Variants in TAF6L observed in about 807,000 individuals in gnomAD.
The protein encoded by TAF6L is TATA-box binding protein associated factor 6 like.
TAF6L carries 34 observed loss-of-function variants against 57.3 expected under a neutral mutation model. The ratio of observed to expected loss-of-function variants is 0.59; its 90% confidence interval spans 0.45 to 0.79. The LOEUF is 0.79. Ranked by LOEUF, TAF6L falls within the 30% of genes least tolerant of loss-of-function variation. The probability of loss-of-function intolerance (pLI) is 0.00; values close to 1 mark genes in which losing one functional copy is unlikely to be tolerated. For missense variants in TAF6L, 782 were observed against 853.2 expected (o/e 0.92, Z 1.04); for synonymous variants, 417 against 376.3 (o/e 1.11, Z -1.25).
At chr11:62,780,332 G>A (rs1380544403) in intron 6 of TAF6L, among the ~76,000 whole-genome samples, 2 of 151,320 alleles carry the variant, frequency 1.3e-5, no homozygotes, top group Non-Finnish European at 2.9e-5. Context: ...CTAACATGGT[G>A]AAACCCCGTC....
At chr11:62,782,545 C>A in intron 8 of TAF6L, 148 bp from the exon 9 acceptor site, 1 of 1,238,814 alleles carries the variant, frequency 8.1e-7, no homozygotes, top group Non-Finnish European at 1.1e-6. Context: ...CCCTCAGGTC[C>A]TAGGCCAGTC....
Position 62,786,618 on chromosome 11 carries a change from G to T in TAF6L, c.1191G>T (p.Trp397Cys). ...GCCGGCGCCTGGACGACCTGCCATG[G>T]GACAGCCTTCTCTTTCAAGAGTCGT... ...RGCRRLDDLPWDSLLFQESSS... is the reference protein window; with the variant it reads ...RGCRRLDDLPCDSLLFQESSS... Residue 397 changes from tryptophan (W) to cysteine (C), a missense_variant, in exon 11 of 11, where the codon TGG becomes TGT. Transcript: ENST00000294168. 1.3e-6 allele frequency: 2 copies of T among 1,598,988 alleles called. No individual in the cohort carries two copies. The highest frequency in any genetic ancestry group is 1.1e-5 in the South Asian group (1 of 89,322).
intron 1 of TAF6L, 40 bp downstream of exon 1, chr11:62,771,530 C>A: frequency 6.3e-6 from 1 of 158,988 alleles, no homozygotes; most frequent in South Asian, 1.5e-4. Flanking sequence ...TCCCCATTCC[C>A]GACGCCGACT....
intron 9 of TAF6L, among the ~76,000 whole-genome samples, chr11:62,783,960 T>A (rs1321391278): frequency 1.8e-5 from 2 of 112,792 alleles, no homozygotes; most frequent in East Asian, 5.1e-4. Context: ...TTTTTGTTTT[T>A]TTGAGATGGA....
rs1304915689 is a variant in TAF6L at position 62,786,851 on chromosome 11, C to T, written c.1424C>T (p.Pro475Leu). ...APRPPGDKKEPAAAPDSVRKM... is the reference protein window; with the variant it reads ...APRPPGDKKELAAAPDSVRKM... ...CGGCCGCCCGGGGACAAGAAGGAGC[C>T]GGCGGCAGCCCCGGACTCGGTGCGG... is the stretch of plus-strand genomic sequence containing the variant. The change falls in exon 11 of 11, where the codon CCG (proline) becomes CTG (leucine). Residue 475 changes from proline to leucine, a missense_variant. This residue lies in a region of TAF6L where 483 missense variants were observed against 445.1 expected (regional missense o/e 1.09). Coordinates refer to ENST00000294168, the MANE Select transcript of TAF6L (RefSeq NM_006473.4). The T allele has an allele frequency of 1.3e-6, 2 of 1,595,648 alleles. No homozygotes were observed. The highest frequency in any genetic ancestry group is 1.3e-5 in the African/African-American group (1 of 74,646).
At chr11:62,782,544 C>T in intron 8 of TAF6L, 149 bp from the exon 9 acceptor site, 1 of 1,229,026 alleles carries the variant, frequency 8.1e-7, no homozygotes, top group African/African-American at 1.5e-5. Flanking sequence ...GCCCTCAGGT[C>T]CTAGGCCAGT....
At position 62,771,494 on chromosome 11, in the gene TAF6L, A is replaced by T. The variant is rs1305179145; in HGVS notation, c.-14+4A>T. 2 of 156,696 alleles carry T rather than the reference A, an allele frequency of 1.3e-5. No individual in the cohort carries two copies. The highest frequency in any genetic ancestry group is 2.8e-5 in the Non-Finnish European group (2 of 70,550). The allele number at this position is 156,696 out of a possible 1,614,324, so 9.7% of individuals were successfully genotyped here. On this transcript the variant is annotated splice_donor_region_variant and intron_variant, in intron 1 of 10. Coordinates refer to ENST00000294168, the MANE Select transcript of TAF6L (RefSeq NM_006473.4). ...TTCGCCACGCCGGGGTCTTCAGGTG[A>T]GCAGGCCTTGCTCTGGTCCAAGGAC...
intron 2 of TAF6L, 115 bp from the exon 3 acceptor site, chr11:62,776,268 AT>A (rs1173329749): frequency 3.9e-6 from 4 of 1,019,872 alleles, no homozygotes; most frequent in Non-Finnish European, 6.0e-6. Context: ...TAGGCTTCTG[AT>A]CCCTAAGCGT....
chr11:62,772,265 T>C, intron 1 of TAF6L: 1 of 394,542 alleles, frequency 2.5e-6, no homozygotes, highest in South Asian at 1.9e-5. Flanking sequence ...CTCACGCCTG[T>C]AATCCTAGCA....
intron 5 of TAF6L, 126 bp from the exon 6 acceptor site, chr11:62,778,742 TG>T: frequency 1.2e-6 from 1 of 805,486 alleles, no homozygotes; most frequent in Non-Finnish European, 2.1e-6. Context: ...TCTCTTGCCC[TG>T]GTTGTCCTGT....
At chr11:62,772,031 A>G (rs936983721) in intron 1 of TAF6L, 1 of 453,216 alleles carries the variant, frequency 2.2e-6, no homozygotes, top group African/African-American at 2.0e-5. Flanking sequence ...GATTAGGAGC[A>G]AGGGGTTGAG....
Position 62,787,290 on chromosome 11 carries a change from G to T in TAF6L, c.1863G>T (p.Pro621=). 1 of 1,539,472 alleles carries T rather than the reference G, an allele frequency of 6.5e-7. No individual in the cohort carries two copies. The highest frequency in any genetic ancestry group is 2.3e-5 in the East Asian group (1 of 42,770). ...TCTCGGACTACTCGCTGTACTTGCC[G>T]CTCTGAGTCAGTGGCCCCTTCGTTC... ...WALSDYSLYL[P]L Residue 621 remains proline (P), a synonymous_variant, in exon 11 of 11, where the codon CCG becomes CCT. Transcript: ENST00000294168.
At chr11:62,782,357 G>A (rs952729652) in intron 8 of TAF6L, 24 bp downstream of exon 8, 4 of 1,607,234 alleles carry the variant, frequency 2.5e-6, no homozygotes, top group South Asian at 2.2e-5. Flanking sequence ...CTAAACCTGC[G>A]GGTGGGATTG....
At chr11:62,779,972 A>ATTTTTTTT (rs1367245372) in intron 6 of TAF6L, among the ~76,000 whole-genome samples, 8 of 61,474 alleles carry the variant, frequency 1.3e-4, no homozygotes, top group African/African-American at 3.4e-4. Context: ...ATATATATAT[A>ATTTTTTTT]TATATTTTTT....
At chr11:62,775,742 C>G (rs2084182107) in intron 1 of TAF6L, 29 bp from the exon 2 acceptor site, 1 of 1,577,486 alleles carries the variant, frequency 6.3e-7, no homozygotes, top group Non-Finnish European at 8.6e-7. Flanking sequence ...GGCTGGGCAG[C>G]TTTTCCAGTC....
chr11:62,786,453 T>C (rs2084276622), intron 10 of TAF6L, 64 bp from the exon 11 acceptor site: 4 of 1,595,634 alleles, frequency 2.5e-6, no homozygotes, highest in Non-Finnish European at 3.4e-6. Flanking sequence ...AGGCTTACTT[T>C]GGAATATTTG....
intron 6 of TAF6L, among the ~76,000 whole-genome samples, chr11:62,779,894 G>T (rs2084214342): frequency 7.0e-6 from 1 of 142,506 alleles, no homozygotes; most frequent in African/African-American, 2.6e-5. Context: ...TCAAACTCCT[G>T]ACCTCAGGTG....
intron 9 of TAF6L, 122 bp from the exon 10 acceptor site, chr11:62,786,138 A>T: frequency 8.0e-7 from 1 of 1,245,188 alleles, no homozygotes; most frequent in South Asian, 1.6e-5. Flanking sequence ...CCAATCAGGG[A>T]ATTTAGGAGG....
At chr11:62,786,011 C>G in intron 9 of TAF6L, 1 of 383,772 alleles carries the variant, frequency 2.6e-6, no homozygotes, top group Non-Finnish European at 4.8e-6. Context: ...CATTATTTAG[C>G]ACACAGGGCA....
Sources: allele counts gnomAD v4.1 joint callset (sites outside exome capture counted in the v4.1 genomes callset), GRCh38; gene constraint gnomAD v4.1.1; regional missense constraint gnomAD v4.1.1; transcripts MANE v1.5; gene names NCBI Gene and HGNC (gene_info 2026-07-23, HGNC 2026-07-21).